RGS6: variants seen among roughly 807,000 people sequenced by gnomAD.
RGS6 encodes the protein regulator of G-protein signaling 6.
In RGS6, 30 loss-of-function variants were observed where a neutral mutation model predicts 78.5. The observed-to-expected ratio is 0.38, with a 90% CI of 0.29 to 0.52. The LOEUF (loss-of-function observed/expected upper bound fraction) is 0.52. RGS6 is among the 20% of genes least tolerant of loss of function. RGS6 has a pLI of 0.85. For synonymous variants in RGS6, 206 were observed against 206.0 expected, an observed-to-expected ratio of 1.00 and a Z score of 0.00; for missense variants, 495 against 609.7, an observed-to-expected ratio of 0.81 and a Z score of 1.98.
intron 3 of RGS6, among the ~76,000 whole-genome samples, chr14:72,383,174 GTACA>G (rs1410499076): frequency 8.2e-5 from 2 of 24,530 alleles, no homozygotes; most frequent in Non-Finnish European, 1.9e-4. Flanking sequence ...TGAAAAAATT[GTACA>G]TATATATATA....
rs2067855 is a variant in RGS6 at position 71,959,115 on chromosome 14, C to T, written c.-20-5657C>T. 4.7e-3 allele frequency among the ~76,000 whole-genome samples: 709 copies of T among 152,272 alleles called. 8 individuals carry two copies. The highest frequency in any genetic ancestry group is 0.016 in the African/African-American group (676 of 41,548). The stretch of plus-strand genomic sequence containing the variant: ...AACGGACACTCTGTCTGTCATTGAA[C>T]ATTTGAACTTCGAATATATAGGAAA... On this transcript the variant is annotated intron_variant, in intron 1 of 17. Transcript: ENST00000553525.
chr14:72,153,508 G>A lies in RGS6; in HGVS notation c.84+188633G>A, dbSNP rs149513118. 4.9e-3 allele frequency among the ~76,000 whole-genome samples: 748 copies of A among 152,298 alleles called. 7 individuals are homozygous for A. Among genetic ancestry groups the A allele is most frequent in the African/African-American group, 0.017 (709 of 41,566 alleles). On this transcript the variant is annotated intron_variant, in intron 2 of 17. Transcript: ENST00000553525. ...TTCTTCTCATCAGTGAGATAGCTGG[G>A]TATTGGGGGAACCTGCCCCCAGTAT...
intron 2 of RGS6, among the ~76,000 whole-genome samples, chr14:71,982,446 G>A (rs1007383061): frequency 6.6e-6 from 1 of 152,116 alleles, no homozygotes; most frequent in African/African-American, 2.4e-5. Flanking sequence ...AGTCAAAATA[G>A]GAATGGATTA....
intron 2 of RGS6, among the ~76,000 whole-genome samples, chr14:72,286,070 T>G (rs1267029251): frequency 2.0e-5 from 3 of 152,342 alleles, no homozygotes; most frequent in Non-Finnish European, 1.5e-5. Flanking sequence ...TGGTGTCACA[T>G]CCAAGAAATC....
intron 2 of RGS6, among the ~76,000 whole-genome samples, chr14:72,071,523 C>T (rs915306327): frequency 4.6e-5 from 7 of 152,222 alleles, no homozygotes; most frequent in African/African-American, 7.2e-5. Flanking sequence ...ATTAGCGGTA[C>T]ACAAGAGTTT....
Position 72,564,240 on chromosome 14 carries a change from G to A in RGS6, c.*1773G>A, listed in dbSNP as rs992395384. On this transcript the variant is annotated 3_prime_UTR_variant, in exon 18 of 18. Transcript: ENST00000553525. ...TGCCCAAGTTTCCCCCACTGGCAAT[G>A]GTTCCTCTCTTGGAGGTACAGTGGA... is the stretch of plus-strand genomic sequence containing the variant. The A allele has an allele frequency of 2.2e-4, 33 of 152,190 alleles. No individual in the cohort carries two copies. The highest frequency in any genetic ancestry group is 7.7e-4 in the African/African-American group (32 of 41,438). The allele number at this position is 152,190 out of a possible 1,614,324, so 9.4% of individuals were successfully genotyped here. A position where few individuals can be genotyped will look rare whatever the true frequency, so the allele number is the denominator to read the frequency against.
the RGS6 span, chr14:72,619,209 G>A: frequency 1.5e-6 from 2 of 1,317,450 alleles, no homozygotes; most frequent in Non-Finnish European, 2.1e-6. Context: ...TGGTCTGGCT[G>A]GATATGTGGG....
chr14:71,980,346 C>G (rs2153115206), intron 2 of RGS6, among the ~76,000 whole-genome samples: 1 of 148,932 alleles, frequency 6.7e-6, no homozygotes, highest in African/African-American at 2.5e-5. Context: ...GATGCAGTTT[C>G]TTCCTAGTCT....
In RGS6 at chr14:72,096,217, T is replaced by C. The variant is rs556359266; in HGVS notation, c.84+131342T>C. Among the ~76,000 whole-genome samples the C allele has an allele frequency of 2.0e-4, 31 of 151,612 alleles. No homozygotes were observed. The South Asian group carries it at 4.2e-3, about 20-fold the overall frequency. On this transcript the variant is annotated intron_variant, in intron 2 of 17. Coordinates refer to ENST00000553525, the MANE Select transcript of RGS6 (RefSeq NM_001204424.2). ...TGAACCTGGGAGGTGGAGGTTGCAG[T>C]GAGCTGAGATTGCACCACTGCACTC... is the stretch of plus-strand genomic sequence containing the variant.
At chr14:72,335,684 A>AAGAAT (rs992593959) in intron 2 of RGS6, among the ~76,000 whole-genome samples, 2 of 152,176 alleles carry the variant, frequency 1.3e-5, no homozygotes, top group African/African-American at 4.8e-5. Flanking sequence ...ATGGAAGAAG[A>AAGAAT]AGAATTGTCT....
downstream of RGS6, among the ~76,000 whole-genome samples, chr14:72,569,299 C>T (rs1023289434): frequency 2.0e-5 from 3 of 152,126 alleles, no homozygotes; most frequent in Admixed American, 2.0e-4. Flanking sequence ...TTCCTGTGCC[C>T]CTTTATAGTT....
chr14:72,273,173 C>T (rs1162295946), intron 2 of RGS6, among the ~76,000 whole-genome samples: 1 of 151,670 alleles, frequency 6.6e-6, no homozygotes, highest in Non-Finnish European at 1.5e-5. Context: ...TGGAGATGTA[C>T]GGGTTCACAT....
upstream of RGS6, among the ~76,000 whole-genome samples, chr14:71,928,752 G>A (rs1238607733): frequency 6.6e-6 from 1 of 152,166 alleles, no homozygotes; most frequent in Admixed American, 6.5e-5. Flanking sequence ...ATGAATTTCA[G>A]GATCCTTGCA....
At chr14:72,177,561 A>G (rs2097122638) in intron 2 of RGS6, among the ~76,000 whole-genome samples, 1 of 152,216 alleles carries the variant, frequency 6.6e-6, no homozygotes, top group Non-Finnish European at 1.5e-5. Context: ...GGAATCAAGT[A>G]AAGGGGCAGA....
the RGS6 span, chr14:72,620,100 C>G: frequency 1.9e-6 from 2 of 1,076,222 alleles, no homozygotes; most frequent in Non-Finnish European, 2.5e-6. Flanking sequence ...GATCCCCTTT[C>G]CAGGCCCCAC....
chr14:72,216,240 C>T (rs1001607193), intron 2 of RGS6, among the ~76,000 whole-genome samples: 3 of 152,198 alleles, frequency 2.0e-5, no homozygotes, highest in Non-Finnish European at 4.4e-5. Context: ...CTTGGTAAGG[C>T]TCAGGCCTCG....
At chr14:72,573,850 C>T in the RGS6 span, among the ~76,000 whole-genome samples, 2 of 152,148 alleles carry the variant, frequency 1.3e-5, no homozygotes, top group Non-Finnish European at 2.9e-5. Context: ...CACACATGCA[C>T]GTGCACACAC....
chr14:72,384,280 T>G (rs1431382627), intron 3 of RGS6, among the ~76,000 whole-genome samples: 1 of 152,254 alleles, frequency 6.6e-6, no homozygotes, highest in Non-Finnish European at 1.5e-5. Context: ...ATTTTACTGT[T>G]GCATTTGAAA....
chr14:72,540,490 G>GAAA (rs113373446), intron 17 of RGS6: 5 of 1,421,396 alleles, frequency 3.5e-6, no homozygotes, highest in Non-Finnish European at 4.7e-6. Flanking sequence ...ATAGCTCATC[G>GAAA]AAAAAAAAAA....
Sources: gnomAD v4.1 joint callset for allele counts (sites outside exome capture counted in the v4.1 genomes callset) on GRCh38, gnomAD v4.1.1 for gene constraint, MANE v1.5 for transcripts, NCBI Gene and HGNC (gene_info 2026-07-23, HGNC 2026-07-21) for gene names.